KCNQ5: variants seen among roughly 807,000 people sequenced by gnomAD.
KCNQ5 encodes the protein potassium voltage-gated channel subfamily KQT member 5.
KCNQ5 carries 30 observed loss-of-function variants against 98.2 expected under a neutral mutation model. The ratio of observed to expected loss-of-function variants is 0.31; its 90% CI spans 0.23 to 0.41. The LOEUF (loss-of-function observed/expected upper bound fraction) is 0.41. Ranked by LOEUF, KCNQ5 falls within the 10% of genes least tolerant of loss-of-function variation. KCNQ5 has a pLI of 1.00. For missense variants in KCNQ5, 835 were observed against 1,182.5 expected (o/e 0.71, Z 4.31); for synonymous variants, 458 against 449.4 (o/e 1.02, Z -0.24).
chr6:72,636,411 G>GA lies in KCNQ5; in HGVS notation c.398+13828dup, dbSNP rs981738245. Among the ~76,000 whole-genome samples the GA allele has an allele frequency of 1.7e-4, 26 of 152,270 alleles. 1 individual carries two copies. Among genetic ancestry groups the GA allele is most frequent in the African/African-American group, 6.0e-4 (25 of 41,568 alleles). ...GTATCATAGGAGTACATAGGAGATA[G>GA]AAAACCACCTGCATTTTTTTCTGGT... On this transcript the variant is annotated intron_variant, in intron 1 of 13. Coordinates refer to ENST00000370398, the MANE Select transcript of KCNQ5 (RefSeq NM_019842.4).
At chr6:72,863,457 G>A (rs1777849526) in intron 1 of KCNQ5, among the ~76,000 whole-genome samples, 2 of 152,046 alleles carry the variant, frequency 1.3e-5, no homozygotes, top group African/African-American at 2.4e-5. Context: ...TCAGATTCCT[G>A]TTTTTGCATA....
intron 1 of KCNQ5, chr6:72,987,280 A>T: frequency 1.4e-6 from 1 of 693,424 alleles, no homozygotes; most frequent in South Asian, 1.4e-5. Flanking sequence ...ACAGAGACGG[A>T]CTTAGAGGTG....
intron 1 of KCNQ5, among the ~76,000 whole-genome samples, chr6:72,690,514 A>C (rs1455794102): frequency 1.3e-5 from 2 of 152,150 alleles, no homozygotes; most frequent in African/African-American, 4.8e-5. Context: ...AAATTTCTTG[A>C]CACCTACTAT....
intron 2 of KCNQ5, among the ~76,000 whole-genome samples, chr6:73,027,680 C>G (rs1461603654): frequency 6.6e-6 from 1 of 152,176 alleles, no homozygotes; most frequent in Non-Finnish European, 1.5e-5. Flanking sequence ...AAATCTTCCC[C>G]CTTGTCCTCT....
intron 1 of KCNQ5, among the ~76,000 whole-genome samples, chr6:72,733,107 A>T (rs968503868): frequency 5.9e-5 from 9 of 152,190 alleles, no homozygotes; most frequent in African/African-American, 2.2e-4. Flanking sequence ...TGAACTTAGG[A>T]AAAGAACTGG....
At chr6:72,964,042 C>T (rs1448198316) in intron 1 of KCNQ5, among the ~76,000 whole-genome samples, 1 of 152,118 alleles carries the variant, frequency 6.6e-6, no homozygotes, top group Non-Finnish European at 1.5e-5. Flanking sequence ...TGAGGTCTCA[C>T]AATTTTCTTT....
chr6:72,715,772 A>G (rs1769615020), intron 1 of KCNQ5, among the ~76,000 whole-genome samples: 1 of 152,198 alleles, frequency 6.6e-6, no homozygotes, highest in African/African-American at 2.4e-5. Context: ...ATTCAATGCT[A>G]TGAAATTCTA....
chr6:72,878,616 A>G (rs1778517151), intron 1 of KCNQ5, among the ~76,000 whole-genome samples: 1 of 152,172 alleles, frequency 6.6e-6, no homozygotes, highest in African/African-American at 2.4e-5. Flanking sequence ...GGTGCAGGTC[A>G]AATTGTTACT....
intron 1 of KCNQ5, among the ~76,000 whole-genome samples, chr6:72,787,435 G>A (rs183213146): frequency 6.6e-6 from 1 of 152,136 alleles, no homozygotes; most frequent in Non-Finnish European, 1.5e-5. Flanking sequence ...CCCATGTTAT[G>A]TATGTGAATC....
intron 1 of KCNQ5, among the ~76,000 whole-genome samples, chr6:72,789,199 C>T (rs1773906300): frequency 6.6e-6 from 1 of 151,970 alleles, no homozygotes. Flanking sequence ...GCTCTGTCGC[C>T]TAGGATGGAG....
intron 10 of KCNQ5, among the ~76,000 whole-genome samples, chr6:73,147,351 T>C (rs1318122097): frequency 6.6e-6 from 1 of 152,190 alleles, no homozygotes; most frequent in Non-Finnish European, 1.5e-5. Flanking sequence ...CTGGACTTGC[T>C]TAATTTGCAT....
chr6:72,894,883 C>A (rs1394302533), intron 1 of KCNQ5, among the ~76,000 whole-genome samples: 1 of 151,910 alleles, frequency 6.6e-6, no homozygotes. Context: ...AATAACATAG[C>A]CACACAACTA....
Position 72,876,156 on chromosome 6 carries a change from A to G in KCNQ5, c.399-127752A>G, listed in dbSNP as rs78832379. Among the ~76,000 whole-genome samples, 576 of 152,260 alleles carry G rather than the reference A, an allele frequency of 3.8e-3. 5 individuals are homozygous for G. Among genetic ancestry groups the G allele is most frequent in the African/African-American group, 0.013 (542 of 41,586 alleles). ...TATCCTGTTTAAAAGAGTTTTAATT[A>G]TAAAGCCTAGTTTTTCATAAGATTT... On this transcript the variant is annotated intron_variant, in intron 1 of 13. Transcript: ENST00000370398.
At chr6:73,146,626 CAAAAAAAAAAAAAAA>C (rs58798764) in intron 10 of KCNQ5, among the ~76,000 whole-genome samples, 3 of 28,468 alleles carry the variant, frequency 1.1e-4, no homozygotes, top group African/African-American at 2.8e-4. Flanking sequence ...GTCCCTGTCT[CAAAAAAAAAAAAAAA>C]AAAAAAAAAA....
At chr6:72,902,830 G>T (rs764078175) in intron 1 of KCNQ5, among the ~76,000 whole-genome samples, 2 of 152,032 alleles carry the variant, frequency 1.3e-5, no homozygotes, top group African/African-American at 4.8e-5. Flanking sequence ...TTCCTGATTT[G>T]GGTATTAGGG....
At chr6:72,859,710 T>G (rs1406137516) in intron 1 of KCNQ5, among the ~76,000 whole-genome samples, 2 of 152,028 alleles carry the variant, frequency 1.3e-5, no homozygotes, top group Non-Finnish European at 2.9e-5. Context: ...GCCTCCCAGA[T>G]AGCTGGGACT....
chr6:73,032,237 G>T (rs1300308922), intron 2 of KCNQ5, among the ~76,000 whole-genome samples: 1 of 151,932 alleles, frequency 6.6e-6, no homozygotes, highest in Non-Finnish European at 1.5e-5. Context: ...TTTTGATCTC[G>T]GCTCACTGCA....
intron 1 of KCNQ5, among the ~76,000 whole-genome samples, chr6:72,964,955 T>C (rs541078182): frequency 1.3e-5 from 2 of 152,288 alleles, no homozygotes; most frequent in South Asian, 4.1e-4. Context: ...AAAAAAATTC[T>C]TTTTTGGTTT....
chr6:72,964,943 A>T (rs201736916), intron 1 of KCNQ5, among the ~76,000 whole-genome samples: 1,769 of 44,666 alleles, frequency 0.04, 38 homozygotes, highest in African/African-American at 0.061. Flanking sequence ...TGCTTTTTTT[A>T]AAAAAAAATT....
Sources: gnomAD v4.1 joint callset for allele counts (sites outside exome capture counted in the v4.1 genomes callset) on GRCh38, gnomAD v4.1.1 for gene constraint, MANE v1.5 for transcripts, NCBI Gene and HGNC (gene_info 2026-07-23, HGNC 2026-07-21) for gene names.